The following CNTNAP2 variants were observed in gnomAD, a reference collection of about 807,000 sequenced individuals.
CNTNAP2 encodes the protein contactin-associated protein-like 2.
Under a neutral mutation model 155.2 loss-of-function variants are expected in CNTNAP2, and 98 were observed. That is an observed-to-expected ratio of 0.63 (90% CI 0.54 to 0.75). CNTNAP2 has a LOEUF of 0.75. Among genes scored for constraint, CNTNAP2 ranks in the 30% least tolerant of loss-of-function variants. The pLI is 0.00. For missense variants in CNTNAP2, 1,727 were observed against 1,688.1 expected, an observed-to-expected ratio of 1.02 and a Z score of -0.40; for synonymous variants, 651 against 631.2, an observed-to-expected ratio of 1.03 and a Z score of -0.47.
At chr7:147,507,448 T>C (rs1371740421) in intron 11 of CNTNAP2, among the ~76,000 whole-genome samples, 1 of 151,968 alleles carries the variant, frequency 6.6e-6, no homozygotes, top group East Asian at 1.9e-4. Flanking sequence ...CTTCTCTATA[T>C]CACTGGATCG....
At chr7:147,604,008 T>C (rs913959390) in intron 12 of CNTNAP2, among the ~76,000 whole-genome samples, 11 of 152,162 alleles carry the variant, frequency 7.2e-5, no homozygotes, top group Admixed American at 5.9e-4. Context: ...CTGGGAAAAC[T>C]GGCTAGCCAT....
intron 3 of CNTNAP2, among the ~76,000 whole-genome samples, chr7:146,997,550 A>C (rs1344605965): frequency 6.6e-6 from 1 of 152,120 alleles, no homozygotes; most frequent in Non-Finnish European, 1.5e-5. Context: ...TAATTGTATC[A>C]GGATAATGCT....
At chr7:148,201,551 A>G (rs932772127) in intron 18 of CNTNAP2, among the ~76,000 whole-genome samples, 20 of 152,204 alleles carry the variant, frequency 1.3e-4, no homozygotes, top group African/African-American at 4.3e-4. Context: ...GTTTGTCTTC[A>G]AAAGTTTCCC....
chr7:147,716,417 C>T (rs1201338430), intron 13 of CNTNAP2, among the ~76,000 whole-genome samples: 1 of 152,082 alleles, frequency 6.6e-6, no homozygotes, highest in African/African-American at 2.4e-5. Context: ...GTCTGATCTA[C>T]ATAGGGCACA....
intron 14 of CNTNAP2, among the ~76,000 whole-genome samples, chr7:147,913,040 A>G (rs1177054601): frequency 2.6e-5 from 4 of 152,186 alleles, no homozygotes; most frequent in Admixed American, 2.0e-4. Flanking sequence ...AATATCAGTC[A>G]AGTTTTATTT....
intron 1 of CNTNAP2, among the ~76,000 whole-genome samples, chr7:146,562,754 A>G (rs1009201580): frequency 1.3e-4 from 20 of 152,180 alleles, no homozygotes; most frequent in African/African-American, 4.8e-4. Flanking sequence ...CACTAAATCT[A>G]TGGCTAAAAT....
chr7:147,956,618 C>T (rs1801020676), intron 14 of CNTNAP2, among the ~76,000 whole-genome samples: 1 of 152,116 alleles, frequency 6.6e-6, no homozygotes, highest in South Asian at 2.1e-4. Context: ...CCTGAAATGA[C>T]CATGGACCGC....
At chr7:147,554,369 G>T (rs1457737845) in intron 11 of CNTNAP2, among the ~76,000 whole-genome samples, 1 of 150,894 alleles carries the variant, frequency 6.6e-6, no homozygotes, top group Non-Finnish European at 1.5e-5. Context: ...CAATAGTATG[G>T]ATTATTTTTT....
At chr7:147,095,991 A>G (rs1309805783) in intron 4 of CNTNAP2, among the ~76,000 whole-genome samples, 1 of 151,970 alleles carries the variant, frequency 6.6e-6, no homozygotes. Context: ...TTTTTCTTTT[A>G]TTTACATTAA....
intron 1 of CNTNAP2, among the ~76,000 whole-genome samples, chr7:146,207,637 G>GTTTTTTTT (rs57881187): frequency 1.6e-5 from 2 of 122,362 alleles, no homozygotes; most frequent in Non-Finnish European, 3.4e-5. Flanking sequence ...ACAGGACTGT[G>GTTTTTTTT]TTTTTTTTTT....
At chr7:146,535,530 T>TTAG (rs1797855127) in intron 1 of CNTNAP2, among the ~76,000 whole-genome samples, 1 of 138,776 alleles carries the variant, frequency 7.2e-6, no homozygotes, top group South Asian at 2.3e-4. Flanking sequence ...CATTTGTTTA[T>TTAG]TTAAACTTTA....
At chr7:147,600,545 C>T (rs1293371659) in intron 12 of CNTNAP2, among the ~76,000 whole-genome samples, 1 of 152,152 alleles carries the variant, frequency 6.6e-6, no homozygotes, top group African/African-American at 2.4e-5. Context: ...ATTTCCCATC[C>T]ATTTAAACCT....
At chr7:147,571,761 T>C (rs538472056) in intron 12 of CNTNAP2, among the ~76,000 whole-genome samples, 1 of 152,130 alleles carries the variant, frequency 6.6e-6, no homozygotes, top group Non-Finnish European at 1.5e-5. Context: ...TTCCTTTATA[T>C]CATAACTATT....
chr7:147,159,469 A>G (rs1303098866), intron 8 of CNTNAP2, among the ~76,000 whole-genome samples: 2 of 152,082 alleles, frequency 1.3e-5, no homozygotes, highest in Non-Finnish European at 2.9e-5. Context: ...TGATGTTCAG[A>G]TATTGTTTGA....
In CNTNAP2 at chr7:148,415,393, T is replaced by C. The variant is rs777579953; in HGVS notation, c.3797-24T>C. ...GGACTCCCAAGCCCTGTCTAACCTC[T>C]CGTGCTTCTCCTTTCTCCGTCAGGC... On this transcript the variant is annotated intron_variant, in intron 23 of 23. Transcript: ENST00000361727. 10 of 1,610,738 alleles carry C rather than the reference T, an allele frequency of 6.2e-6. No homozygotes were observed. In the East Asian group the frequency reaches 1.6e-4, roughly 25 times the overall value.
chr7:146,187,543 C>T (rs150547524), intron 1 of CNTNAP2, among the ~76,000 whole-genome samples: 3 of 152,216 alleles, frequency 2.0e-5, no homozygotes, highest in Non-Finnish European at 4.4e-5. Flanking sequence ...TTCTTTGTGA[C>T]CCTGTGACTT....
intron 2 of CNTNAP2, among the ~76,000 whole-genome samples, chr7:146,798,534 T>G (rs1384406255): frequency 6.6e-6 from 1 of 152,000 alleles, no homozygotes; most frequent in Non-Finnish European, 1.5e-5. Context: ...TTAGTAGAGA[T>G]GGGGTTTTGC....
rs796940228 is a variant in CNTNAP2 at position 148,024,173 on chromosome 7, A to AAAAAAAAACC, written c.2383+46190_2383+46191insAACCAAAAAA. 3.4e-5 allele frequency among the ~76,000 whole-genome samples: 5 copies of AAAAAAAAACC among 147,980 alleles called. No individual in the cohort carries two copies. In the Admixed American group the frequency reaches 3.4e-4, roughly 10 times the overall value. ...TTTAAAGTGTAAAAAAAAAAAAAAA[A>AAAAAAAAACC]AAAAAACTTTATAACATCCTGAGAA... is the stretch of plus-strand genomic sequence containing the variant. On this transcript the variant is annotated intron_variant, in intron 15 of 23. Transcript: ENST00000361727.
At chr7:146,495,043 A>C (rs950206642) in intron 1 of CNTNAP2, among the ~76,000 whole-genome samples, 3 of 152,208 alleles carry the variant, frequency 2.0e-5, no homozygotes, top group East Asian at 1.9e-4. Context: ...GAGTTTTATA[A>C]GTGATTAAAT....
Sources: allele counts gnomAD v4.1 joint callset (sites outside exome capture counted in the v4.1 genomes callset), GRCh38; gene constraint gnomAD v4.1.1; transcripts MANE v1.5; gene names NCBI Gene and HGNC (gene_info 2026-07-23, HGNC 2026-07-21).